NR4A1: variants seen among roughly 807,000 people sequenced by gnomAD.
NR4A1 encodes the protein nuclear receptor subfamily 4 group A member 1.
NR4A1 carries 24 observed loss-of-function variants against 47.5 expected under a neutral mutation model. The ratio of observed to expected loss-of-function variants is 0.50; its 90% CI spans 0.37 to 0.71. NR4A1 has a LOEUF of 0.71. Ranked by LOEUF, NR4A1 falls within the 30% of genes least tolerant of loss-of-function variation. The probability of loss-of-function intolerance (pLI) is 0.00; values close to 1 mark genes in which losing one functional copy is unlikely to be tolerated. For synonymous variants in NR4A1, 353 were observed against 345.7 expected (o/e 1.02, Z -0.24); for missense variants, 669 against 788.6 (o/e 0.85, Z 1.82).
intron 1 of NR4A1, chr12:52,053,990 C>T (rs1016669359): frequency 1.9e-5 from 5 of 261,714 alleles, no homozygotes; most frequent in East Asian, 7.6e-5. Flanking sequence ...GGGGGAGGGG[C>T]AGGGGGCTGG....
Position 52,059,077 on chromosome 12 carries a change from A to C in NR4A1, c.*133A>C, listed in dbSNP as rs1358430567. The C allele has an allele frequency of 2.5e-6, 3 of 1,215,420 alleles. No individual in the cohort carries two copies. Among genetic ancestry groups the C allele is most frequent in the Non-Finnish European group, 3.4e-6 (3 of 892,350 alleles). 75.3% of individuals were successfully genotyped at this position (1,215,420 alleles called of 1,614,324 possible). On this transcript the variant is annotated 3_prime_UTR_variant, in exon 7 of 7. Coordinates refer to ENST00000394825, the MANE Select transcript of NR4A1 (RefSeq NM_173157.3). The stretch of plus-strand genomic sequence containing the variant: ...ATGACTCCACCTTCTCACCTGCTCC[A>C]GGAGGTTTGCAGGGAGCTCAAGCCC...
chr12:52,028,765 G>C, intron 1 of NR4A1, among the ~76,000 whole-genome samples: 1 of 151,914 alleles, frequency 6.6e-6, no homozygotes, highest in East Asian at 1.9e-4. Flanking sequence ...TTAGCTGGGC[G>C]TGGTGGTGGG....
At chr12:52,026,618 A>G (rs1005814566) in intron 1 of NR4A1, among the ~76,000 whole-genome samples, 1 of 152,254 alleles carries the variant, frequency 6.6e-6, no homozygotes, top group Non-Finnish European at 1.5e-5. Context: ...ATAGATAGAC[A>G]GGGCTGGGCA....
upstream of NR4A1, among the ~76,000 whole-genome samples, chr12:52,049,983 G>A (rs1174972556): frequency 6.6e-6 from 1 of 152,184 alleles, no homozygotes; most frequent in Non-Finnish European, 1.5e-5. Flanking sequence ...TGAGAACTGG[G>A]TGGGTGGGTG....
chr12:52,051,502 C>T lies in NR4A1; in HGVS notation c.-69C>T, dbSNP rs1299314356. ...TGCACAGAAGAACTTCGGGAGCGCA[C>T]GCGGGACCAGGGACCAGGCTGAGAC... On this transcript the variant is annotated 5_prime_UTR_variant, in exon 1 of 7. The change creates a new upstream start codon in the 5' untranslated region. Transcript: ENST00000394825. The T allele has an allele frequency of 5.1e-6, 5 of 985,588 alleles. No homozygotes were observed. The African/African-American group carries it at 8.7e-5, about 17-fold the overall frequency. The allele number at this position is 985,588 out of a possible 1,614,324, so 61.1% of individuals were successfully genotyped here. A position where few individuals can be genotyped will look rare whatever the true frequency, so the allele number is the denominator to read the frequency against.
intron 1 of NR4A1, among the ~76,000 whole-genome samples, chr12:52,052,062 C>G (rs1030394041): frequency 1.3e-5 from 2 of 152,150 alleles, no homozygotes; most frequent in African/African-American, 4.8e-5. Flanking sequence ...ACTTTAGAGG[C>G]TGTGGCTGAG....
chr12:52,056,904 T>C (rs1939301599), intron 4 of NR4A1, 153 bp from the exon 5 acceptor site: 1 of 843,764 alleles, frequency 1.2e-6, no homozygotes, highest in Non-Finnish European at 1.8e-6. Flanking sequence ...AGCCCTGGGT[T>C]AATATGTGAG....
intron 4 of NR4A1, 36 bp from the exon 5 acceptor site, chr12:52,057,021 G>C: frequency 6.5e-7 from 1 of 1,543,094 alleles, no homozygotes; most frequent in South Asian, 1.2e-5. Context: ...GTAGGAGCCT[G>C]CCTGGGGTGC....
At chr12:52,040,504 T>G (rs925419803) in intron 1 of NR4A1, among the ~76,000 whole-genome samples, 38 of 152,086 alleles carry the variant, frequency 2.5e-4, no homozygotes, top group African/African-American at 9.2e-4. Flanking sequence ...GGAAAGCAGG[T>G]GTAGTCCATG....
chr12:52,031,770 G>A (rs1938130530), intron 1 of NR4A1, among the ~76,000 whole-genome samples: 1 of 149,326 alleles, frequency 6.7e-6, no homozygotes, highest in African/African-American at 2.5e-5. Context: ...TTATGGTTGT[G>A]ATGGTTAATT....
intron 1 of NR4A1, 138 bp from the exon 2 acceptor site, chr12:52,054,189 G>T: frequency 1.4e-6 from 1 of 714,644 alleles, no homozygotes. Flanking sequence ...TGGGTGCTCT[G>T]GTCCCGGTGC....
At position 52,058,789 on chromosome 12, in the gene NR4A1, C is replaced by A. The variant is rs372078291; in HGVS notation, c.1642C>A (p.Pro548Thr). 2.6e-5 allele frequency: 42 copies of A among 1,612,100 alleles called. No individual in the cohort carries two copies. Among genetic ancestry groups the A allele is most frequent in the Non-Finnish European group, 3.1e-5 (37 of 1,179,676 alleles). The change falls in exon 7 of 7, where the codon CCA (proline) becomes ACA (threonine). Residue 548 changes from proline (P) to threonine (T), a missense_variant. Physicochemically the swap from Pro to Thr is conservative, Grantham distance 38 (BLOSUM62 -1). Coordinates refer to ENST00000394825, the MANE Select transcript of NR4A1 (RefSeq NM_173157.3). ...GGCAGCTGTGGCGGGCGAGCCCCAG[C>A]CAGCCAGCTGCCTGTCACGTCTGTT... ...HVAAVAGEPQ[P>T]ASCLSRLLGK...
upstream of NR4A1, chr12:52,051,397 C>G (rs1938930016): frequency 1.0e-6 from 1 of 985,536 alleles, no homozygotes; most frequent in Non-Finnish European, 1.2e-6. Flanking sequence ...CGCCCCTCCC[C>G]GTGCGTCACG....
At position 52,051,499 on chromosome 12, in the gene NR4A1, G is replaced by C. The variant is rs1938939013; in HGVS notation, c.-72G>C. 6.1e-6 allele frequency: 6 copies of C among 985,612 alleles called. No individual in the cohort carries two copies. The highest frequency in any genetic ancestry group is 7.2e-6 in the Non-Finnish European group (6 of 830,140). The allele number at this position is 985,612 out of a possible 1,614,324, so 61.1% of individuals were successfully genotyped here. A position where few individuals can be genotyped will look rare whatever the true frequency, so the allele number is the denominator to read the frequency against. On this transcript the variant is annotated 5_prime_UTR_variant, in exon 1 of 7. Transcript: ENST00000394825. ...GAGTGCACAGAAGAACTTCGGGAGCGCACGCGGGACCAGGGACCAGGCTGA... is the reference window on the plus strand; with the variant it reads ...GAGTGCACAGAAGAACTTCGGGAGCCCACGCGGGACCAGGGACCAGGCTGA...
intron 1 of NR4A1, among the ~76,000 whole-genome samples, chr12:52,025,089 T>A (rs1483214506): frequency 7.0e-6 from 1 of 142,124 alleles, no homozygotes; most frequent in Non-Finnish European, 1.5e-5. Flanking sequence ...TTTGACAGAG[T>A]CTCTCTGTCG....
At chr12:52,028,688 G>A (rs1256749980) in intron 1 of NR4A1, among the ~76,000 whole-genome samples, 3 of 151,868 alleles carry the variant, frequency 2.0e-5, no homozygotes, top group Non-Finnish European at 4.4e-5. Flanking sequence ...GGTGGATTAC[G>A]AGGTCAGGAG....
chr12:52,059,140 A>G lies in NR4A1; in HGVS notation c.*196A>G. On this transcript the variant is annotated 3_prime_UTR_variant, in exon 7 of 7. Transcript: ENST00000394825. ...ATGCCTTCATGGGGGTGACCCCACGATTTGTCTTATCCCCCCCAGCCTGGC... is the reference window on the plus strand; with the variant it reads ...ATGCCTTCATGGGGGTGACCCCACGGTTTGTCTTATCCCCCCCAGCCTGGC... 8.9e-6 allele frequency: 6 copies of G among 670,592 alleles called. No individual in the cohort carries two copies. The highest frequency in any genetic ancestry group is 1.5e-5 in the Non-Finnish European group (6 of 408,604). The allele number at this position is 670,592 out of a possible 1,614,324, so 41.5% of individuals were successfully genotyped here.
intron 1 of NR4A1, among the ~76,000 whole-genome samples, chr12:52,025,668 T>G (rs940980039): frequency 6.6e-6 from 1 of 152,200 alleles, no homozygotes; most frequent in Non-Finnish European, 1.5e-5. Context: ...ATCCCTCCCA[T>G]AGAAGACACC....
At chr12:52,055,834 A>AT in intron 2 of NR4A1, 196 bp from the exon 3 acceptor site, 1 of 458,386 alleles carries the variant, frequency 2.2e-6, no homozygotes, top group Non-Finnish European at 3.8e-6. Context: ...ACCTCCCCCA[A>AT]TGTCTTCAAG....
Sources: allele counts gnomAD v4.1 joint callset (sites outside exome capture counted in the v4.1 genomes callset), GRCh38; gene constraint gnomAD v4.1.1; transcripts MANE v1.5; gene names NCBI Gene and HGNC (gene_info 2026-07-23, HGNC 2026-07-21).